Variants in PNPLA5 observed in about 807,000 individuals in gnomAD.
The protein encoded by PNPLA5 is patatin-like phospholipase domain-containing protein 5.
A neutral mutation model predicts 49.1 loss-of-function variants in PNPLA5; 44 were observed. The observed-to-expected ratio is 0.90, with a 90% CI of 0.70 to 1.15. The LOEUF (loss-of-function observed/expected upper bound fraction) is 1.15, where lower values mean the gene tolerates loss of function less well. Ranked by LOEUF, PNPLA5 falls within the 50% of genes most tolerant of loss-of-function variation. The probability of loss-of-function intolerance (pLI) is 0.00; values close to 1 mark genes in which losing one functional copy is unlikely to be tolerated. For synonymous variants in PNPLA5, 243 were observed against 244.4 expected (o/e 0.99, Z 0.06); for missense variants, 603 against 564.0 (o/e 1.07, Z -0.70).
chr22:43,889,452 C>CA lies in PNPLA5; in HGVS notation c.578dup (p.Asp194GlyfsTer13). ...GGGAGGTGCTCTGGGGGCAGATGTC[C>CA]ACTGTCCCATGGAAGGGCGACACCG... is the stretch of plus-strand genomic sequence containing the variant. On this transcript the variant is annotated frameshift_variant, in exon 4 of 9. Coordinates refer to ENST00000216177, the MANE Select transcript of PNPLA5 (RefSeq NM_138814.4). LOFTEE classifies it high-confidence loss of function. 1 of 1,614,104 alleles carries CA rather than the reference C, an allele frequency of 6.2e-7. No homozygotes were observed. The highest frequency in any genetic ancestry group is 8.5e-7 in the Non-Finnish European group (1 of 1,180,024).
rs867205502 is a variant in PNPLA5, at chr22:43,884,407, C to A, written c.950-62G>T. 78 of 1,466,118 alleles carry A rather than the reference C, an allele frequency of 5.3e-5. 1 individual carries two copies. In the South Asian group the frequency reaches 1.0e-3, roughly 19 times the overall value. 90.8% of individuals were successfully genotyped at this position (1,466,118 alleles called of 1,614,324 possible). ...AAGTCTGTGGGCCAGCAACCTGAGC[C>A]CCCCCATTTCACACAGTAAGAGACT... On this transcript the variant is annotated intron_variant, in intron 6 of 8. Coordinates refer to ENST00000216177, the MANE Select transcript of PNPLA5 (RefSeq NM_138814.4).
At chr22:43,888,766 ATC>A (rs2049692550) in intron 4 of PNPLA5, among the ~76,000 whole-genome samples, 2 of 152,276 alleles carry the variant, frequency 1.3e-5, no homozygotes, top group Admixed American at 1.3e-4. Context: ...TTGTCAAATT[ATC>A]TGTTTTCCAG....
Position 43,884,326 on chromosome 22 carries a change from C to A in PNPLA5, c.969G>T (p.Thr323=). ...AGCGGGCCCACCGGCTGGGATCCCT[C>A]GTACATGCTTTCTTCAGTGCTGCAA... ...ELEAALKKAC[T]RDPSRWARFW... The change falls in exon 7 of 9, where the codon ACG becomes ACT. Residue 323 remains threonine (T), a synonymous_variant. Transcript: ENST00000216177. 6.3e-7 allele frequency: 1 copy of A among 1,588,336 alleles called. No individual in the cohort carries two copies. Among genetic ancestry groups the A allele is most frequent in the South Asian group, 1.1e-5 (1 of 87,648 alleles).
At chr22:43,889,190 T>G in intron 4 of PNPLA5, 139 bp downstream of exon 4, 1 of 936,796 alleles carries the variant, frequency 1.1e-6, no homozygotes, top group Non-Finnish European at 1.6e-6. Context: ...GATTCAGGTG[T>G]TTGGCTGTGA....
In PNPLA5 at chr22:43,883,927, C is replaced by T. The variant is rs556190850; in HGVS notation, c.1082+286G>A. 7.2e-5 allele frequency among the ~76,000 whole-genome samples: 11 copies of T among 152,286 alleles called. No individual in the cohort carries two copies. In the South Asian group the frequency reaches 8.3e-4, roughly 11 times the overall value. On this transcript the variant is annotated intron_variant, in intron 7 of 8. Coordinates refer to ENST00000216177, the MANE Select transcript of PNPLA5 (RefSeq NM_138814.4). Reference sequence around the variant, plus strand: ...CAACCTGAGATTCTGATGGGTGGAGCAATGGTCAAAGGTCACGGAGACAGT... The same window carrying T: ...CAACCTGAGATTCTGATGGGTGGAGTAATGGTCAAAGGTCACGGAGACAGT...
At chr22:43,888,679 C>T (rs2148329739) in intron 4 of PNPLA5, among the ~76,000 whole-genome samples, 1 of 152,272 alleles carries the variant, frequency 6.6e-6, no homozygotes, top group East Asian at 1.9e-4. Context: ...AAGTGATCTG[C>T]CAGCCTTGGC....
At position 43,887,604 on chromosome 22, in the gene PNPLA5, G is replaced by A; in HGVS notation, c.750C>T (p.Phe250=). 1 of 1,610,322 alleles carries A rather than the reference G, an allele frequency of 6.2e-7. No individual in the cohort carries two copies. The highest frequency in any genetic ancestry group is 2.2e-5 in the East Asian group (1 of 44,848). The change falls in exon 5 of 9, where the codon TTC becomes TTT. Residue 250 remains phenylalanine (F), a synonymous_variant. Coordinates refer to ENST00000216177, the MANE Select transcript of PNPLA5 (RefSeq NM_138814.4). ...ACTGCCACCTACCACGTCTCTCCAG[G>A]AACCTCAGGGCATCCAGGTAGCCTT... ...CRQGYLDALR[F]LERRGLTKEP...
chr22:43,885,735 A>C (rs566714949), intron 6 of PNPLA5, among the ~76,000 whole-genome samples: 1 of 152,206 alleles, frequency 6.6e-6, no homozygotes, highest in African/African-American at 2.4e-5. Flanking sequence ...GCGGGCGGGC[A>C]GACTAAATGG....
intron 4 of PNPLA5, among the ~76,000 whole-genome samples, chr22:43,888,060 A>G (rs796786737): frequency 6.6e-6 from 1 of 152,132 alleles, no homozygotes; most frequent in Non-Finnish European, 1.5e-5. Context: ...TTCGATGTTT[A>G]CTTCCAGTAC....
At chr22:43,891,018 G>T (rs1387467495) in intron 2 of PNPLA5, 44 bp downstream of exon 2, 3 of 1,577,364 alleles carry the variant, frequency 1.9e-6, no homozygotes, top group Non-Finnish European at 2.6e-6. Flanking sequence ...GGACTAGATG[G>T]AGCCCGCCCA....
chr22:43,890,007 T>G, intron 2 of PNPLA5, 143 bp from the exon 3 acceptor site: 2 of 1,434,782 alleles, frequency 1.4e-6, no homozygotes, highest in Non-Finnish European at 1.8e-6. Context: ...AGGCATCACC[T>G]CCCAGCCAAG....
At chr22:43,881,410 A>G (rs1352920988) in intron 8 of PNPLA5, 148 bp downstream of exon 8, 5 of 787,450 alleles carry the variant, frequency 6.3e-6, no homozygotes, top group Non-Finnish European at 1.0e-5. Context: ...ACACGTGCCA[A>G]TGGCTGCATG....
intron 6 of PNPLA5, among the ~76,000 whole-genome samples, chr22:43,885,979 AG>A (rs2049659801): frequency 6.6e-6 from 1 of 152,196 alleles, no homozygotes; most frequent in South Asian, 2.1e-4. Context: ...CAGTGGGCAA[AG>A]ACCTGGCTTT....
At chr22:43,887,868 G>T (rs994281864) in intron 4 of PNPLA5, 15 of 690,608 alleles carry the variant, frequency 2.2e-5, no homozygotes, top group Non-Finnish European at 2.7e-5. Context: ...GATCTGCTTG[G>T]CTAGTTCTGT....
In PNPLA5 at chr22:43,886,259, G is replaced by A. The variant is rs748780518; in HGVS notation, c.949+44C>T. The A allele has an allele frequency of 5.7e-6, 9 of 1,576,382 alleles. No individual in the cohort carries two copies. The South Asian group carries it at 1.1e-4, about 19-fold the overall frequency. ...AGGGTCCCTGAGCCCGGGCCCCTGAGTGCAGGGCCCTGGTAGGTGAGCAAA... is the reference window on the plus strand; with the variant it reads ...AGGGTCCCTGAGCCCGGGCCCCTGAATGCAGGGCCCTGGTAGGTGAGCAAA... On this transcript the variant is annotated intron_variant, in intron 6 of 8. Coordinates refer to ENST00000216177, the MANE Select transcript of PNPLA5 (RefSeq NM_138814.4).
At chr22:43,889,911 C>T in intron 2 of PNPLA5, 47 bp from the exon 3 acceptor site, 5 of 1,602,558 alleles carry the variant, frequency 3.1e-6, no homozygotes, top group Non-Finnish European at 4.3e-6. Context: ...ATGCTTCTTG[C>T]ATTCAGAACC....
At position 43,880,807 on chromosome 22, in the gene PNPLA5, G is replaced by A; in HGVS notation, c.1278C>T (p.Thr426=). The A allele has an allele frequency of 1.5e-6, 2 of 1,339,286 alleles. No homozygotes were observed. Among genetic ancestry groups the A allele is most frequent in the Non-Finnish European group, 1.9e-6 (2 of 1,038,686 alleles). The allele number at this position is 1,339,286 out of a possible 1,614,324, so 83.0% of individuals were successfully genotyped here. A position where few individuals can be genotyped will look rare whatever the true frequency, so the allele number is the denominator to read the frequency against. The change falls in exon 9 of 9, where the codon ACC becomes ACT. Residue 426 remains threonine (T), a synonymous_variant. Coordinates refer to ENST00000216177, the MANE Select transcript of PNPLA5 (RefSeq NM_138814.4). ...IAPHREELGP[T]HQA ...CTGCTCGGCCCCCTCAGGCCTGGTG[G>A]GTGGGCCCGAGCTCCTCTCTATGAG...
intron 7 of PNPLA5, among the ~76,000 whole-genome samples, chr22:43,883,979 G>A (rs1347626281): frequency 6.6e-6 from 1 of 152,056 alleles, no homozygotes; most frequent in Non-Finnish European, 1.5e-5. Flanking sequence ...CGACCAGGAA[G>A]CCCCCGACTT....
chr22:43,887,664 A>C lies in PNPLA5; in HGVS notation c.703-13T>G. ...TGTCGGCCACTACCTGCCAACACAC[A>C]GGGCAAGGGTGAGATGGGCAAGGCC... On this transcript the variant is annotated splice_polypyrimidine_tract_variant and intron_variant, in intron 4 of 8. Coordinates refer to ENST00000216177, the MANE Select transcript of PNPLA5 (RefSeq NM_138814.4). 1.9e-6 allele frequency: 3 copies of C among 1,596,856 alleles called. No individual in the cohort carries two copies. Among genetic ancestry groups the C allele is most frequent in the Non-Finnish European group, 1.7e-6 (2 of 1,170,386 alleles).
Sources: allele counts gnomAD v4.1 joint callset (sites outside exome capture counted in the v4.1 genomes callset), GRCh38; gene constraint gnomAD v4.1.1; transcripts MANE v1.5; gene names NCBI Gene and HGNC (gene_info 2026-07-23, HGNC 2026-07-21).